PTPRT: variants seen among roughly 807,000 people sequenced by gnomAD.
The protein encoded by PTPRT is protein tyrosine phosphatase receptor type T, also known as receptor-type tyrosine-protein phosphatase T.
PTPRT carries 56 observed loss-of-function variants against 176.8 expected under a neutral mutation model. The observed-to-expected ratio is 0.32, with a 90% CI of 0.26 to 0.40. The LOEUF (loss-of-function observed/expected upper bound fraction) is 0.40. Ranked by LOEUF, PTPRT falls within the 10% of genes least tolerant of loss-of-function variation. The pLI is 1.00. For synonymous variants in PTPRT, 783 were observed against 739.0 expected (o/e 1.06, Z -0.96); for missense variants, 1,540 against 1,908.2 (o/e 0.81, Z 3.60).
At chr20:42,941,609 CCA>C (rs1661929030) in intron 1 of PTPRT, among the ~76,000 whole-genome samples, 1 of 152,196 alleles carries the variant, frequency 6.6e-6, no homozygotes, top group African/African-American at 2.4e-5. Flanking sequence ...TAACCTGACT[CCA>C]CGCTACATGT....
chr20:42,863,185 T>C (rs537108547), intron 2 of PTPRT, among the ~76,000 whole-genome samples: 2 of 152,350 alleles, frequency 1.3e-5, no homozygotes, highest in East Asian at 3.9e-4. Flanking sequence ...TGGCAGTGCC[T>C]GAGCTCTAGC....
chr20:43,168,048 T>C (rs1168766162), intron 1 of PTPRT, among the ~76,000 whole-genome samples: 2 of 152,226 alleles, frequency 1.3e-5, no homozygotes, highest in Non-Finnish European at 2.9e-5. Context: ...AGTTAACTAG[T>C]ACAGGGTCCA....
chr20:42,210,110 A>C (rs2055583865), intron 15 of PTPRT, among the ~76,000 whole-genome samples: 1 of 152,238 alleles, frequency 6.6e-6, no homozygotes, highest in Non-Finnish European at 1.5e-5. Context: ...CTTCATGCTA[A>C]AAACTCTCAA....
intron 12 of PTPRT, among the ~76,000 whole-genome samples, chr20:42,312,874 G>C (rs539173947): frequency 5.8e-4 from 78 of 134,672 alleles, no homozygotes; most frequent in African/African-American, 2.1e-3. Context: ...CTGATATGAT[G>C]TTTGGGGAGC....
intron 7 of PTPRT, among the ~76,000 whole-genome samples, chr20:42,562,861 C>T (rs1163833212): frequency 6.6e-6 from 1 of 152,058 alleles, no homozygotes; most frequent in Non-Finnish European, 1.5e-5. Flanking sequence ...ATCTTCCTGG[C>T]CTTCAGAATA....
chr20:42,952,835 C>G (rs1281936295), intron 1 of PTPRT, among the ~76,000 whole-genome samples: 2 of 152,200 alleles, frequency 1.3e-5, no homozygotes, highest in Non-Finnish European at 2.9e-5. Context: ...CAGAACCTCT[C>G]TGAGGCTCTC....
At chr20:42,133,299 C>T (rs1988216084) in intron 18 of PTPRT, among the ~76,000 whole-genome samples, 1 of 152,130 alleles carries the variant, frequency 6.6e-6, no homozygotes. Flanking sequence ...GGGATATAAC[C>T]TCACTGTAAG....
chr20:42,628,481 A>T (rs1248973327), intron 7 of PTPRT, among the ~76,000 whole-genome samples: 1 of 152,030 alleles, frequency 6.6e-6, no homozygotes, highest in South Asian at 2.1e-4. Flanking sequence ...TTTAATCTTA[A>T]TATGGTTGAT....
At chr20:42,047,751 C>T in the PTPRT span, among the ~76,000 whole-genome samples, 2 of 152,236 alleles carry the variant, frequency 1.3e-5, no homozygotes, top group South Asian at 2.1e-4. Flanking sequence ...TTGTCAGTCA[C>T]ATTTTCTGGG....
intron 9 of PTPRT, among the ~76,000 whole-genome samples, chr20:42,438,913 T>C (rs1002948489): frequency 6.6e-6 from 1 of 152,220 alleles, no homozygotes; most frequent in East Asian, 1.9e-4. Flanking sequence ...GCAATCCTAA[T>C]ATACCACAAG....
intron 2 of PTPRT, among the ~76,000 whole-genome samples, chr20:42,823,392 T>C (rs2077934300): frequency 6.6e-6 from 1 of 151,636 alleles, no homozygotes; most frequent in South Asian, 2.1e-4. Flanking sequence ...TGTTGAGGGG[T>C]GGCAGGGTGA....
intron 2 of PTPRT, among the ~76,000 whole-genome samples, chr20:42,801,260 C>T (rs1050110681): frequency 3.9e-5 from 6 of 152,072 alleles, no homozygotes; most frequent in South Asian, 2.1e-4. Flanking sequence ...CCATCTAACG[C>T]GGATACCAGG....
At chr20:42,457,893 G>C (rs1045944590) in intron 8 of PTPRT, among the ~76,000 whole-genome samples, 2 of 152,130 alleles carry the variant, frequency 1.3e-5, no homozygotes, top group Admixed American at 1.3e-4. Context: ...TAGGCTTGGA[G>C]GGGGAGCTCT....
At chr20:42,120,065 C>G in intron 19 of PTPRT, 94 bp from the exon 20 acceptor site, 1 of 1,160,008 alleles carries the variant, frequency 8.6e-7, no homozygotes, top group Non-Finnish European at 1.2e-6. Flanking sequence ...TCTTGATTTT[C>G]TCATGGGCAA....
intron 7 of PTPRT, among the ~76,000 whole-genome samples, chr20:42,511,600 G>A (rs1228844548): frequency 6.6e-6 from 1 of 151,868 alleles, no homozygotes; most frequent in Non-Finnish European, 1.5e-5. Context: ...ATTACTTCTG[G>A]TGTGGTTCCT....
intron 4 of PTPRT, among the ~76,000 whole-genome samples, chr20:42,779,714 A>G (rs1033919638): frequency 6.6e-6 from 1 of 152,164 alleles, no homozygotes; most frequent in Non-Finnish European, 1.5e-5. Context: ...AGTACTAACC[A>G]CTATGAGAAA....
At chr20:42,093,630 T>C (rs1483716397) in intron 27 of PTPRT, among the ~76,000 whole-genome samples, 1 of 152,216 alleles carries the variant, frequency 6.6e-6, no homozygotes, top group Non-Finnish European at 1.5e-5. Context: ...ACGTACGCTC[T>C]TATGGTTCCC....
intron 7 of PTPRT, among the ~76,000 whole-genome samples, chr20:42,647,633 C>T (rs1175125095): frequency 6.6e-6 from 1 of 152,200 alleles, no homozygotes; most frequent in Non-Finnish European, 1.5e-5. Context: ...CCTATGACCT[C>T]ACCTCCACAG....
intron 9 of PTPRT, among the ~76,000 whole-genome samples, chr20:42,400,261 C>A (rs1004583070): frequency 6.6e-6 from 1 of 152,016 alleles, no homozygotes; most frequent in Non-Finnish European, 1.5e-5. Context: ...TATGGGACTT[C>A]CATATGACTT....
Sources: allele counts gnomAD v4.1 joint callset (sites outside exome capture counted in the v4.1 genomes callset), GRCh38; gene constraint gnomAD v4.1.1; transcripts MANE v1.5; gene names NCBI Gene and HGNC (gene_info 2026-07-23, HGNC 2026-07-21).